SKOR1: variants seen among roughly 807,000 people sequenced by gnomAD.
The protein encoded by SKOR1 is LBX1 corepressor 1.
A neutral mutation model predicts 72.4 loss-of-function variants in SKOR1; 38 were observed. The ratio of observed to expected loss-of-function variants is 0.52; its 90% CI spans 0.40 to 0.69. SKOR1 has a LOEUF of 0.69. SKOR1 is among the 30% of genes least tolerant of loss of function. SKOR1 has a pLI of 0.00. For synonymous variants in SKOR1, 642 were observed against 599.4 expected (o/e 1.07, Z -1.04); for missense variants, 1,320 against 1,343.2 (o/e 0.98, Z 0.27).
Position 67,826,103 on chromosome 15 carries a change from T to A in SKOR1, c.275T>A (p.Ile92Asn). Residue 92 changes from isoleucine to asparagine, a missense_variant, in exon 2 of 9, where the codon ATC becomes AAC. This residue lies in a region of SKOR1 where 120 missense variants were observed against 104.9 expected (regional missense o/e 1.14). Transcript: ENST00000380035. ...GGGGTGCCCATTGTGTCGCTGGTCA[T>A]CGACGGCCAGGAGCGCCTATGCCTG... ...LYGVPIVSLV[I>N]DGQERLCLAQ... 6.3e-7 allele frequency: 1 copy of A among 1,599,976 alleles called. No homozygotes were observed. The highest frequency in any genetic ancestry group is 8.5e-7 in the Non-Finnish European group (1 of 1,170,294).
chr15:67,827,776 T>G lies in SKOR1; in HGVS notation c.1948T>G (p.Ser650Ala), dbSNP rs1468327247. Residue 650 changes from serine to alanine, a missense_variant, in exon 2 of 9, where the codon TCG becomes GCG. Physicochemically the swap from Ser to Ala is moderately conservative, Grantham distance 99. Transcript: ENST00000380035. ...GGGCAGCTCCAGCTACAATTCCGCC[T>G]CGCCCGACGTGGACACCGCGGACGA... ...SEGSSSYNSA[S>A]PDVDTADEPE... 3 of 1,560,184 alleles carry G rather than the reference T, an allele frequency of 1.9e-6. No individual in the cohort carries two copies. Among genetic ancestry groups the G allele is most frequent in the Non-Finnish European group, 2.6e-6 (3 of 1,152,158 alleles).
rs2090953523 is a variant in SKOR1 at position 67,825,764 on chromosome 15, C to CA, written c.107+57dup. 3.1e-5 allele frequency: 38 copies of CA among 1,242,142 alleles called. No individual in the cohort carries two copies. Among genetic ancestry groups the CA allele is most frequent in the Non-Finnish European group, 4.1e-5 (35 of 861,792 alleles). 76.9% of individuals were successfully genotyped at this position (1,242,142 alleles called of 1,614,324 possible). Reference sequence around the variant, plus strand: ...CCCCGGGGGCTGTTGTTAACGGCGCCAACATGGGTCTGAGTAACAAAAGAC... The same window carrying CA: ...CCCCGGGGGCTGTTGTTAACGGCGCCAAACATGGGTCTGAGTAACAAAAGAC... On this transcript the variant is annotated intron_variant, in intron 1 of 8. Coordinates refer to ENST00000380035, the MANE Select transcript of SKOR1 (RefSeq NM_001365915.1). This position sits in a 1 kb window ranked among gnomAD's most constrained non-coding sequence, Gnocchi z 5.6.
At position 67,826,731 on chromosome 15, in the gene SKOR1, T is replaced by C. The variant is rs572387433; in HGVS notation, c.903T>C (p.Gly301=). 4 of 1,540,564 alleles carry C rather than the reference T, an allele frequency of 2.6e-6. No homozygotes were observed. In the South Asian group the frequency reaches 4.7e-5, roughly 18 times the overall value. Residue 301 remains glycine (G), a synonymous_variant, in exon 2 of 9, where the codon GGT becomes GGC. Transcript: ENST00000380035. Reference sequence around the variant, plus strand: ...GGTCGGGTGGGCAGGGGAAGGGTGGTGCTGGCGGCGGTGGCGGCGGTGGCC... The same window carrying C: ...GGTCGGGTGGGCAGGGGAAGGGTGGCGCTGGCGGCGGTGGCGGCGGTGGCC... ...NGGSGGQGKG[G]AGGGGGGGPG...
chr15:67,829,051 A>AAGTCCAGC lies in SKOR1; in HGVS notation c.2317-127_2317-120dup. On this transcript the variant is annotated intron_variant, in intron 2 of 8. Coordinates refer to ENST00000380035, the MANE Select transcript of SKOR1 (RefSeq NM_001365915.1). ...GCCGCGTGCGTCACTGTGCCCGCTC[A>AAGTCCAGC]AGTCCAGCGGGCGCACCAACCTTTG... 3 of 783,386 alleles carry AAGTCCAGC rather than the reference A, an allele frequency of 3.8e-6. No individual in the cohort carries two copies. The Admixed American group carries it at 8.8e-5, about 23-fold the overall frequency. 48.5% of individuals were successfully genotyped at this position (783,386 alleles called of 1,614,324 possible). A position where few individuals can be genotyped will look rare whatever the true frequency, so the allele number is the denominator to read the frequency against.
chr15:67,826,986 A>G lies in SKOR1; in HGVS notation c.1158A>G (p.Gln386=). The G allele has an allele frequency of 6.3e-7, 1 of 1,596,232 alleles. No individual in the cohort carries two copies. The highest frequency in any genetic ancestry group is 8.5e-7 in the Non-Finnish European group (1 of 1,178,758). Residue 386 remains glutamine, a synonymous_variant, in exon 2 of 9, where the codon CAA becomes CAG. Transcript: ENST00000380035. ...CCAGCAAAGGCTTTGGGCTCCTGCA[A>G]AAGCTGCCCCCACCACTTTTCCCCC... is the stretch of plus-strand genomic sequence containing the variant. The part of the protein sequence containing the change: ...PVPSKGFGLL[Q]KLPPPLFPHP...
intron 3 of SKOR1, among the ~76,000 whole-genome samples, chr15:67,829,735 G>A (rs1012173384): frequency 4.6e-5 from 7 of 152,172 alleles, no homozygotes; most frequent in Non-Finnish European, 7.3e-5. Flanking sequence ...GCCTTACCAG[G>A]TTCCTCACAG....
rs755363957 is a variant in SKOR1 at position 67,825,566 on chromosome 15, G to A, written c.-37G>A. The A allele has an allele frequency of 9.6e-6, 7 of 726,512 alleles. No individual in the cohort carries two copies. The highest frequency in any genetic ancestry group is 8.8e-5 in the South Asian group (6 of 67,984). The allele number at this position is 726,512 out of a possible 1,614,324, so 45.0% of individuals were successfully genotyped here. ...ACCGGCTGCGAGGGTTGCCGAAGGC[G>A]CACGGATCTGGGCGCTGAAAAAGCC... On this transcript the variant is annotated 5_prime_UTR_variant, in exon 1 of 9. Transcript: ENST00000380035. This position sits in a 1 kb window ranked among gnomAD's most constrained non-coding sequence, Gnocchi z 5.6.
rs369578582 is a variant in SKOR1 at position 67,833,227 on chromosome 15, G to T, written c.2773G>T (p.Ala925Ser). 2.1e-5 allele frequency: 34 copies of T among 1,614,138 alleles called. No homozygotes were observed. Among genetic ancestry groups the T allele is most frequent in the Middle Eastern group, 3.3e-4 (2 of 6,060 alleles). The change falls in exon 8 of 9, where the codon GCG becomes TCG. Residue 925 changes from alanine to serine, a missense_variant. Ala to Ser is a moderately conservative substitution (Grantham distance 99). Transcript: ENST00000380035. The surrounding 1 kb of genome is among the most constrained non-coding windows in gnomAD (Gnocchi z 6.0). The stretch of plus-strand genomic sequence containing the variant: ...TAACGAACTCGACCAGGAGCGGAAG[G>T]CGCGCTATGCCATCCAGCAGAAATT... ...LCNELDQERK[A>S]RYAIQQKLKE... is the part of the protein sequence containing the mutation.
chr15:67,828,713 G>T (rs929533739), intron 2 of SKOR1, among the ~76,000 whole-genome samples: 2 of 152,054 alleles, frequency 1.3e-5, no homozygotes, highest in African/African-American at 4.8e-5. Context: ...GGAGCGGGAG[G>T]GGGGCTCTCA....
chr15:67,826,305 C>A lies in SKOR1; in HGVS notation c.477C>A (p.Ala159=), dbSNP rs754939991. The change falls in exon 2 of 9, where the codon GCC becomes GCA. Residue 159 remains alanine, a synonymous_variant. Transcript: ENST00000380035. ...RRCGMITKRE[A]ERLCKSFLGE... ...GCGGCATGATCACTAAGCGAGAGGC[C>A]GAACGCCTGTGCAAGTCGTTCCTGG... 6.2e-7 allele frequency: 1 copy of A among 1,613,482 alleles called. No homozygotes were observed. Among genetic ancestry groups the A allele is most frequent in the South Asian group, 1.1e-5 (1 of 91,074 alleles).
rs1369752096 is a variant in SKOR1 at position 67,825,836 on chromosome 15, C to A, written c.108-100C>A. ...GTTTGGACTCCCCACTGCCAAGTAT[C>A]CCCCGCGCGCCCAACTCGGAGCGCC... On this transcript the variant is annotated intron_variant, in intron 1 of 8. Transcript: ENST00000380035. The surrounding 1 kb of genome is among the most constrained non-coding windows in gnomAD (Gnocchi z 5.6). 15 of 1,514,800 alleles carry A rather than the reference C, an allele frequency of 9.9e-6. No homozygotes were observed. The East Asian group carries it at 2.7e-4, about 27-fold the overall frequency. The allele number at this position is 1,514,800 out of a possible 1,614,324, so 93.8% of individuals were successfully genotyped here.
chr15:67,825,842 C>A lies in SKOR1; in HGVS notation c.108-94C>A. 1 of 1,515,498 alleles carries A rather than the reference C, an allele frequency of 6.6e-7. No individual in the cohort carries two copies. The highest frequency in any genetic ancestry group is 8.8e-7 in the Non-Finnish European group (1 of 1,138,906). 93.9% of individuals were successfully genotyped at this position (1,515,498 alleles called of 1,614,324 possible). On this transcript the variant is annotated intron_variant, in intron 1 of 8. Coordinates refer to ENST00000380035, the MANE Select transcript of SKOR1 (RefSeq NM_001365915.1). This position sits in a 1 kb window ranked among gnomAD's most constrained non-coding sequence, Gnocchi z 5.6. ...ACTCCCCACTGCCAAGTATCCCCCG[C>A]GCGCCCAACTCGGAGCGCCCTGCTG...
chr15:67,829,067 C>A, intron 2 of SKOR1, 112 bp from the exon 3 acceptor site: 1 of 978,048 alleles, frequency 1.0e-6, no homozygotes, highest in East Asian at 2.7e-5. Context: ...AGCGGGCGCA[C>A]CAACCTTTGC....
At position 67,830,309 on chromosome 15, in the gene SKOR1, C is replaced by A; in HGVS notation, c.2515+11C>A. 6.2e-7 allele frequency: 1 copy of A among 1,611,774 alleles called. No individual in the cohort carries two copies. On this transcript the variant is annotated intron_variant, in intron 4 of 8. Coordinates refer to ENST00000380035, the MANE Select transcript of SKOR1 (RefSeq NM_001365915.1). ...CAAATACAGACAGAGGTGAGCCAGC[C>A]CTTGAACCCATCGCTCTCCACCGCA...
Position 67,825,884 on chromosome 15 carries a change from G to A in SKOR1, c.108-52G>A, listed in dbSNP as rs1026250997. ...GCCCTGCTGGGCGGGCCCGAGCCTC[G>A]GCGGCGGCGCTGAAAATGGCTCATC... On this transcript the variant is annotated intron_variant, in intron 1 of 8. Transcript: ENST00000380035. The surrounding 1 kb of genome is among the most constrained non-coding windows in gnomAD (Gnocchi z 5.6). 90 of 1,508,878 alleles carry A rather than the reference G, an allele frequency of 6.0e-5. No homozygotes were observed. The highest frequency in any genetic ancestry group is 8.0e-5 in the South Asian group (6 of 75,286). 93.5% of individuals were successfully genotyped at this position (1,508,878 alleles called of 1,614,324 possible). A position where few individuals can be genotyped will look rare whatever the true frequency, so the allele number is the denominator to read the frequency against.
At chr15:67,828,436 C>T (rs1008914784) in intron 2 of SKOR1, among the ~76,000 whole-genome samples, 1 of 152,118 alleles carries the variant, frequency 6.6e-6, no homozygotes, top group African/African-American at 2.4e-5. Flanking sequence ...GACTGCCAGA[C>T]ACAGAGACAG....
chr15:67,826,661 G>T lies in SKOR1; in HGVS notation c.833G>T (p.Arg278Leu). 3 of 1,603,628 alleles carry T rather than the reference G, an allele frequency of 1.9e-6. No individual in the cohort carries two copies. The highest frequency in any genetic ancestry group is 2.6e-6 in the Non-Finnish European group (3 of 1,175,258). Residue 278 changes from arginine to leucine, a missense_variant, in exon 2 of 9, where the codon CGG becomes CTG. Around this residue, in one of 3 missense-constraint regions of SKOR1, gnomAD observed 1,099 missense variants for 1,025.5 expected, o/e 1.07. Transcript: ENST00000380035. ...ATGTTTAATGGCGGCACGCGCAAGC[G>T]GACCTTCTCCCTACAAGGAGGCGGC... ...KAMFNGGTRK[R>L]TFSLQGGGGG... is the part of the protein sequence containing the mutation.
chr15:67,832,400 G>A lies in SKOR1; in HGVS notation c.2662+52G>A. 1 of 1,599,812 alleles carries A rather than the reference G, an allele frequency of 6.3e-7. No individual in the cohort carries two copies. Among genetic ancestry groups the A allele is most frequent in the Non-Finnish European group, 8.6e-7 (1 of 1,168,176 alleles). ...CACCTCATCACCGAGCCTTCCACCAGGGTGCCCCGACCTACTCCGAAAGCC... is the reference window on the plus strand; with the variant it reads ...CACCTCATCACCGAGCCTTCCACCAAGGTGCCCCGACCTACTCCGAAAGCC... On this transcript the variant is annotated intron_variant, in intron 6 of 8. Transcript: ENST00000380035. This position sits in a 1 kb window ranked among gnomAD's most constrained non-coding sequence, Gnocchi z 4.5.
Position 67,832,996 on chromosome 15 carries a change from T to C in SKOR1, c.2738-196T>C. 1.6e-6 allele frequency: 1 copy of C among 622,342 alleles called. No homozygotes were observed. The allele number at this position is 622,342 out of a possible 1,614,324, so 38.6% of individuals were successfully genotyped here. On this transcript the variant is annotated intron_variant, in intron 7 of 8. Coordinates refer to ENST00000380035, the MANE Select transcript of SKOR1 (RefSeq NM_001365915.1). This position sits in a 1 kb window ranked among gnomAD's most constrained non-coding sequence, Gnocchi z 4.5. The stretch of plus-strand genomic sequence containing the variant: ...TGCTTTAATTTTGGTTAGATCCATC[T>C]GCCTTTAAGCGCCATCCCAGGCCAT...
Sources: gnomAD v4.1 joint callset for allele counts (sites outside exome capture counted in the v4.1 genomes callset) on GRCh38, gnomAD v4.1.1 for gene constraint, gnomAD v4.1.1 regional missense constraint, Gnocchi (gnomAD v3.1) non-coding constraint, MANE v1.5 for transcripts, NCBI Gene and HGNC (gene_info 2026-07-23, HGNC 2026-07-21) for gene names.